The following RASAL2 variants were observed in gnomAD, a reference collection of about 807,000 sequenced individuals.
RASAL2 encodes RAS protein activator like 2.
Under a neutral mutation model 128.9 loss-of-function variants are expected in RASAL2, and 58 were observed. The observed-to-expected ratio is 0.45, with a 90% CI of 0.36 to 0.56. The LOEUF (loss-of-function observed/expected upper bound fraction) is 0.56. RASAL2 is among the 20% of genes least tolerant of loss of function. The pLI is 0.00. For synonymous variants in RASAL2, 561 were observed against 580.8 expected, an observed-to-expected ratio of 0.97 and a Z score of 0.49; for missense variants, 1,360 against 1,601.6, an observed-to-expected ratio of 0.85 and a Z score of 2.57.
chr1:178,199,419 C>T (rs1223123276), intron 1 of RASAL2, among the ~76,000 whole-genome samples: 1 of 152,130 alleles, frequency 6.6e-6, no homozygotes, highest in African/African-American at 2.4e-5. Flanking sequence ...AGAGCTGTTC[C>T]TATTTGGCCA....
chr1:178,456,820 A>C lies in RASAL2; in HGVS notation c.2311A>C (p.Thr771Pro). 6.2e-7 allele frequency: 1 copy of C among 1,614,198 alleles called. No homozygotes were observed. Among genetic ancestry groups the C allele is most frequent in the South Asian group, 1.1e-5 (1 of 91,082 alleles). Residue 771 changes from threonine to proline, a missense_variant, in exon 13 of 18, where the codon ACT (threonine) becomes CCT (proline). This residue lies in a region of RASAL2 where 741 missense variants were observed against 868.6 expected (regional missense o/e 0.85). Coordinates refer to ENST00000367649, the MANE Select transcript of RASAL2 (RefSeq NM_170692.4). ...AATACAACAGCAACTGAGACGCTTCACTGAACATAACTCCAGTCCAAATGT... is the reference window on the plus strand; with the variant it reads ...AATACAACAGCAACTGAGACGCTTCCCTGAACATAACTCCAGTCCAAATGT... ...TPIQQQLRRF[T>P]EHNSSPNVSG...
chr1:178,183,444 C>T (rs997548644), intron 1 of RASAL2, among the ~76,000 whole-genome samples: 2 of 152,202 alleles, frequency 1.3e-5, no homozygotes, highest in African/African-American at 4.8e-5. Flanking sequence ...AATAGTTCCA[C>T]TGCCAAGAAT....
chr1:178,437,523 C>G (rs1318611283), intron 5 of RASAL2, among the ~76,000 whole-genome samples: 3 of 151,950 alleles, frequency 2.0e-5, no homozygotes, highest in Non-Finnish European at 4.4e-5. Context: ...GAAATTTTTC[C>G]TAGAGAATTT....
intron 5 of RASAL2, among the ~76,000 whole-genome samples, chr1:178,431,039 G>A (rs551064288): frequency 5.3e-5 from 8 of 151,586 alleles, no homozygotes; most frequent in South Asian, 4.2e-4. Context: ...AGCTGACTCC[G>A]TACTGTACTC....
chr1:178,294,118 G>T (rs942001724), intron 2 of RASAL2, among the ~76,000 whole-genome samples: 2 of 152,218 alleles, frequency 1.3e-5, no homozygotes, highest in Non-Finnish European at 2.9e-5. Flanking sequence ...TGGCTGGATT[G>T]TGGAAAATCT....
intron 3 of RASAL2, among the ~76,000 whole-genome samples, chr1:178,373,762 G>GC (rs1249555583): frequency 6.6e-6 from 1 of 151,922 alleles, no homozygotes. Context: ...CTATAGTAGT[G>GC]CCCCCACCCA....
At chr1:178,095,689 T>C (rs1427872532) in intron 1 of RASAL2, among the ~76,000 whole-genome samples, 1 of 152,234 alleles carries the variant, frequency 6.6e-6, no homozygotes. Context: ...ATGCTTACTA[T>C]TCAAGAGTGA....
At chr1:178,345,607 AGT>A (rs1297002251) in intron 3 of RASAL2, among the ~76,000 whole-genome samples, 1 of 152,116 alleles carries the variant, frequency 6.6e-6, no homozygotes, top group African/African-American at 2.4e-5. Flanking sequence ...AAATACTTCA[AGT>A]GGGTTGTGTG....
At chr1:178,299,634 A>G (rs1446898638) in intron 2 of RASAL2, among the ~76,000 whole-genome samples, 1 of 151,922 alleles carries the variant, frequency 6.6e-6, no homozygotes, top group Non-Finnish European at 1.5e-5. Context: ...AGTAGCTGGG[A>G]CTACAGGTGG....
At position 178,467,337 on chromosome 1, in the gene RASAL2, A is replaced by G. The variant is rs749806718; in HGVS notation, c.3594A>G (p.Leu1198=). 5 of 1,613,302 alleles carry G rather than the reference A, an allele frequency of 3.1e-6. No individual in the cohort carries two copies. The African/African-American group carries it at 5.3e-5, about 17-fold the overall frequency. Residue 1198 remains leucine, a synonymous_variant, in exon 17 of 18, where the codon CTA becomes CTG. Coordinates refer to ENST00000367649, the MANE Select transcript of RASAL2 (RefSeq NM_170692.4). ...TTTCCTTCCTGCCACATTCTAGGCT[A>G]ATGGCTGTGGAAGAGGAACTGAAGA... The part of the protein sequence containing the change: ...DSQMKSIISR[L]MAVEEELKKD...
intron 1 of RASAL2, among the ~76,000 whole-genome samples, chr1:178,096,715 C>A (rs1658705143): frequency 6.6e-6 from 1 of 152,078 alleles, no homozygotes; most frequent in Non-Finnish European, 1.5e-5. Context: ...TGACCAATTG[C>A]AGACTTACCA....
chr1:178,411,923 G>T, intron 4 of RASAL2: 2 of 659,398 alleles, frequency 3.0e-6, no homozygotes, highest in East Asian at 5.2e-5. Context: ...TTGCCCGCTT[G>T]AGTATGAAGA....
At chr1:178,458,703 C>T (rs73037551) in intron 14 of RASAL2, among the ~76,000 whole-genome samples, 159 bp downstream of exon 14, 2,071 of 152,190 alleles carry the variant, frequency 0.014, 48 homozygotes, top group African/African-American at 0.047. Flanking sequence ...GAGGCTTCTG[C>T]CCAGGTGTGA....
At chr1:178,259,864 T>C (rs1030111437) in intron 1 of RASAL2, among the ~76,000 whole-genome samples, 1 of 152,096 alleles carries the variant, frequency 6.6e-6, no homozygotes, top group Non-Finnish European at 1.5e-5. Flanking sequence ...CCCCCCTGCA[T>C]GTTTTGATAT....
intron 1 of RASAL2, among the ~76,000 whole-genome samples, chr1:178,128,571 A>G (rs1659984956): frequency 1.3e-5 from 2 of 152,276 alleles, no homozygotes; most frequent in Middle Eastern, 6.8e-3. Flanking sequence ...AAATTCATTC[A>G]TTGTAATTGT....
At chr1:178,201,578 A>G (rs769309223) in intron 1 of RASAL2, among the ~76,000 whole-genome samples, 80 of 152,202 alleles carry the variant, frequency 5.3e-4, no homozygotes, top group South Asian at 1.0e-3. Context: ...ACAAAATTTA[A>G]ATGCAGTGGG....
chr1:178,265,126 A>C (rs777729055), intron 1 of RASAL2, among the ~76,000 whole-genome samples: 2 of 152,232 alleles, frequency 1.3e-5, no homozygotes, highest in Admixed American at 6.5e-5. Context: ...TCTGTAATAC[A>C]TGGAAGATTT....
chr1:178,289,371 G>T (rs774264941), intron 2 of RASAL2, among the ~76,000 whole-genome samples: 2 of 151,986 alleles, frequency 1.3e-5, no homozygotes, highest in African/African-American at 4.8e-5. Context: ...ACATGGAAGC[G>T]CCATGGGACC....
chr1:178,162,231 C>G (rs1027600079), intron 1 of RASAL2, among the ~76,000 whole-genome samples: 4 of 144,960 alleles, frequency 2.8e-5, no homozygotes, highest in African/African-American at 7.7e-5. Context: ...TCCCAGAGTG[C>G]TGGGATTACA....
Sources: allele counts gnomAD v4.1 joint callset (sites outside exome capture counted in the v4.1 genomes callset), GRCh38; gene constraint gnomAD v4.1.1; regional missense constraint gnomAD v4.1.1; transcripts MANE v1.5; gene names NCBI Gene and HGNC (gene_info 2026-07-23, HGNC 2026-07-21).